Variants in RNF126 observed in about 807,000 individuals in gnomAD.
RNF126 encodes the protein ring finger protein 126.
In RNF126, 20 loss-of-function variants were observed where a neutral mutation model predicts 41.9. The ratio of observed to expected loss-of-function variants is 0.48; its 90% CI spans 0.34 to 0.69. The LOEUF is 0.69. Among genes scored for constraint, RNF126 ranks in the 30% least tolerant of loss-of-function variants. The pLI is 0.01. For synonymous variants in RNF126, 239 were observed against 202.9 expected, an observed-to-expected ratio of 1.18 and a Z score of -1.51; for missense variants, 433 against 460.6, an observed-to-expected ratio of 0.94 and a Z score of 0.55.
At chr19:657,023 T>G (rs539511556) in intron 1 of RNF126, among the ~76,000 whole-genome samples, 2 of 152,142 alleles carry the variant, frequency 1.3e-5, no homozygotes, top group African/African-American at 2.4e-5. Context: ...CTCCCCAGGC[T>G]AGCACCACCC....
chr19:649,079 T>TCCTGGGC (rs1345259392), intron 6 of RNF126, 104 bp from the exon 7 acceptor site: 6 of 537,626 alleles, frequency 1.1e-5, no homozygotes, highest in African/African-American at 5.9e-5. Context: ...GCCGCGTTTG[T>TCCTGGGC]CCTGGGCCCT....
rs537658675 is a variant in RNF126, at chr19:650,098, G to C, written c.506+136C>G. On this transcript the variant is annotated intron_variant, in intron 5 of 8. Transcript: ENST00000292363. Reference sequence around the variant, plus strand: ...GACAGGCACCCCCTCCTACTCACCAGGGGCCCAGGCTGGGGATGGGGACAG... The same window carrying C: ...GACAGGCACCCCCTCCTACTCACCACGGGCCCAGGCTGGGGATGGGGACAG... The C allele has an allele frequency of 9.1e-4, 730 of 799,216 alleles. 12 individuals carry two copies. The highest frequency in any genetic ancestry group is 3.8e-3 in the Middle Eastern group (10 of 2,628). The allele number at this position is 799,216 out of a possible 1,614,324, so 49.5% of individuals were successfully genotyped here.
At chr19:657,962 C>T (rs915438282) in intron 1 of RNF126, among the ~76,000 whole-genome samples, 6 of 152,054 alleles carry the variant, frequency 3.9e-5, no homozygotes, top group Admixed American at 6.5e-5. Context: ...CAGGTAGAAA[C>T]GCCTGGGCAA....
At position 648,263 on chromosome 19, in the gene RNF126, G is replaced by T; in HGVS notation, c.801C>A (p.Pro267=). Residue 267 remains proline (P), a synonymous_variant, in exon 9 of 9, where the codon CCC becomes CCA. Coordinates refer to ENST00000292363, the MANE Select transcript of RNF126 (RefSeq NM_194460.3). ...VPWLEQHDSC[P]VCRKSLTGQN... is the part of the protein sequence containing the mutation. ...GTCCCGTGAGGCTTTTTCGGCAGAC[G>T]GGGCAGCTGTCGTGCTTTGTGGGGA... is the stretch of plus-strand genomic sequence containing the variant. 6.4e-7 allele frequency: 1 copy of T among 1,571,586 alleles called. No homozygotes were observed. The highest frequency in any genetic ancestry group is 1.4e-5 in the African/African-American group (1 of 73,840).
At chr19:654,983 G>A (rs1043556968) in intron 1 of RNF126, among the ~76,000 whole-genome samples, 2 of 150,998 alleles carry the variant, frequency 1.3e-5, no homozygotes, top group African/African-American at 2.4e-5. Flanking sequence ...AAAAAAAAGT[G>A]CTTACAACTC....
intron 1 of RNF126, among the ~76,000 whole-genome samples, chr19:653,318 G>A (rs192386591): frequency 3.3e-5 from 5 of 152,232 alleles, no homozygotes; most frequent in South Asian, 2.1e-4. Context: ...TGGCTCGGGG[G>A]AGGCCACGTC....
At chr19:651,497 C>T (rs1473676562) in intron 4 of RNF126, 114 bp downstream of exon 4, 3 of 1,159,568 alleles carry the variant, frequency 2.6e-6, no homozygotes, top group Non-Finnish European at 3.3e-6. Context: ...GCGGCCTCTC[C>T]AGAGAGCCTA....
At position 652,251 on chromosome 19, in the gene RNF126, C is replaced by G. The variant is rs777334099; in HGVS notation, c.180G>C (p.Gln60His). 6.5e-7 allele frequency: 1 copy of G among 1,544,004 alleles called. No individual in the cohort carries two copies. The highest frequency in any genetic ancestry group is 8.6e-7 in the Non-Finnish European group (1 of 1,156,300). The change falls in exon 3 of 9, where the codon CAG (glutamine) becomes CAC (histidine). Residue 60 changes from glutamine to histidine, a missense_variant. Gln to His is a conservative substitution (Grantham distance 24). Around this residue, in one of 5 missense-constraint regions of RNF126, gnomAD observed 247 missense variants for 224.7 expected, o/e 1.10. Coordinates refer to ENST00000292363, the MANE Select transcript of RNF126 (RefSeq NM_194460.3). ...GSAPSTAPTDQSRPPLEHVDQ... is the reference protein window; with the variant it reads ...GSAPSTAPTDHSRPPLEHVDQ... ...GACTCACCTCCAACGGTGGCCGGCTCTGGTCTGTGGGAGCTGTGGAGGGGG... is the reference window on the plus strand; with the variant it reads ...GACTCACCTCCAACGGTGGCCGGCTGTGGTCTGTGGGAGCTGTGGAGGGGG...
intron 1 of RNF126, 70 bp from the exon 2 acceptor site, chr19:652,954 G>C (rs2030393949): frequency 1.4e-6 from 2 of 1,415,176 alleles, no homozygotes; most frequent in Admixed American, 1.8e-5. Flanking sequence ...CAAGTGTGAG[G>C]ACAGAGGGGC....
chr19:654,831 G>A (rs906642967), intron 1 of RNF126, among the ~76,000 whole-genome samples: 4 of 151,808 alleles, frequency 2.6e-5, no homozygotes, highest in African/African-American at 9.7e-5. Flanking sequence ...GCCAGGCGTG[G>A]TGGCACGTAC....
intron 1 of RNF126, among the ~76,000 whole-genome samples, chr19:654,795 C>T (rs1236517766): frequency 1.3e-5 from 2 of 150,964 alleles, no homozygotes; most frequent in East Asian, 1.9e-4. Context: ...GGAGAAACCC[C>T]GTCTCTACTA....
chr19:648,046 G>A lies in RNF126; in HGVS notation c.*82C>T. 6 of 1,418,956 alleles carry A rather than the reference G, an allele frequency of 4.2e-6. No individual in the cohort carries two copies. Among genetic ancestry groups the A allele is most frequent in the East Asian group, 2.5e-5 (1 of 40,074 alleles). 87.9% of individuals were successfully genotyped at this position (1,418,956 alleles called of 1,614,324 possible). On this transcript the variant is annotated 3_prime_UTR_variant, in exon 9 of 9. Coordinates refer to ENST00000292363, the MANE Select transcript of RNF126 (RefSeq NM_194460.3). ...ACCAGCCAAGCGTGGCGCCGCCGGG[G>A]CACCCAGTCTGTGGGTGCCGTGTGG...
At chr19:657,889 G>A (rs1173066917) in intron 1 of RNF126, among the ~76,000 whole-genome samples, 1 of 152,080 alleles carries the variant, frequency 6.6e-6, no homozygotes, top group South Asian at 2.1e-4. Context: ...GTCTCCAGCC[G>A]CCCTCCTCCT....
At chr19:652,919 C>T (rs1261228874) in intron 1 of RNF126, 35 bp from the exon 2 acceptor site, 10 of 1,592,658 alleles carry the variant, frequency 6.3e-6, no homozygotes, top group Middle Eastern at 1.7e-4. Context: ...GTCACGGTGA[C>T]GCCGGCATCA....
chr19:658,659 C>A (rs1204364956), intron 1 of RNF126, among the ~76,000 whole-genome samples: 1 of 152,204 alleles, frequency 6.6e-6, no homozygotes, highest in African/African-American at 2.4e-5. Context: ...TGTCCCTGGG[C>A]CCCACGCACC....
At position 659,261 on chromosome 19, in the gene RNF126, G is replaced by C. The variant is rs538412610; in HGVS notation, c.75+3786C>G. On this transcript the variant is annotated intron_variant, in intron 1 of 8. Coordinates refer to ENST00000292363, the MANE Select transcript of RNF126 (RefSeq NM_194460.3). This position sits in a 1 kb window ranked among gnomAD's most constrained non-coding sequence, Gnocchi z 4.9. Reference sequence around the variant, plus strand: ...CGCCGCAGGGACCAGGAGAAGACAGGGTGGGCCGGGGGGCAGCTGGGGAGA... The same window carrying C: ...CGCCGCAGGGACCAGGAGAAGACAGCGTGGGCCGGGGGGCAGCTGGGGAGA... Among the ~76,000 whole-genome samples, 1 of 152,274 alleles carries C rather than the reference G, an allele frequency of 6.6e-6. No homozygotes were observed. The highest frequency in any genetic ancestry group is 1.9e-4 in the East Asian group (1 of 5,180).
intron 2 of RNF126, 71 bp from the exon 3 acceptor site, chr19:652,367 A>G: frequency 7.6e-7 from 1 of 1,315,502 alleles, no homozygotes; most frequent in East Asian, 2.6e-5. Context: ...CCCTCCCCTC[A>G]AAAGCCTATG....
chr19:649,878 C>A, intron 5 of RNF126, 130 bp from the exon 6 acceptor site: 1 of 639,090 alleles, frequency 1.6e-6, no homozygotes, highest in Non-Finnish European at 2.8e-6. Context: ...GGGACCCTGG[C>A]TGGGGATGGG....
chr19:656,637 G>A (rs754264696), intron 1 of RNF126, among the ~76,000 whole-genome samples: 2 of 152,120 alleles, frequency 1.3e-5, no homozygotes, highest in Non-Finnish European at 2.9e-5. Context: ...CACAGAGTGA[G>A]ACCGTGTCAG....
Sources: allele counts gnomAD v4.1 joint callset (sites outside exome capture counted in the v4.1 genomes callset), GRCh38; gene constraint gnomAD v4.1.1; regional missense constraint gnomAD v4.1.1; non-coding constraint Gnocchi (gnomAD v3.1); transcripts MANE v1.5; gene names NCBI Gene and HGNC (gene_info 2026-07-23, HGNC 2026-07-21).